The following FIRRM variants were observed in gnomAD, a reference collection of about 807,000 sequenced individuals.
FIRRM encodes the protein FIGNL1-interacting regulator of recombination and mitosis.
the FIRRM span, chr1:169,793,106 C>A: frequency 6.2e-7 from 1 of 1,614,136 alleles, no homozygotes; most frequent in South Asian, 1.1e-5. Context: ...TAAACCTGAT[C>A]CACAACCAAG....
chr1:169,840,476 T>TCTA, the FIRRM span, among the ~76,000 whole-genome samples: 1 of 152,130 alleles, frequency 6.6e-6, no homozygotes, highest in Non-Finnish European at 1.5e-5. Context: ...TGTGCGTGTA[T>TCTA]CTACTGTAAA....
the FIRRM span, among the ~76,000 whole-genome samples, chr1:169,833,976 C>T: frequency 6.7e-6 from 1 of 149,804 alleles, no homozygotes; most frequent in African/African-American, 2.5e-5. Flanking sequence ...GAGGTGTGAG[C>T]TATTGAGCTC....
At chr1:169,834,427 T>C in the FIRRM span, among the ~76,000 whole-genome samples, 1 of 152,192 alleles carries the variant, frequency 6.6e-6, no homozygotes, top group Non-Finnish European at 1.5e-5. Flanking sequence ...ACATATGGCA[T>C]GAAAAGACCA....
At chr1:169,837,070 A>G in the FIRRM span, 16 of 1,605,836 alleles carry the variant, frequency 1.0e-5, no homozygotes, top group Non-Finnish European at 1.4e-5. Flanking sequence ...AATGCAGGAA[A>G]TGGCTGAGCA....
chr1:169,795,430 C>G, the FIRRM span: 2 of 1,374,300 alleles, frequency 1.5e-6, no homozygotes, highest in African/African-American at 2.9e-5. Context: ...TGGAAAGCCT[C>G]GCGGACGTGT....
At chr1:169,820,838 C>T in the FIRRM span, among the ~76,000 whole-genome samples, 1 of 151,928 alleles carries the variant, frequency 6.6e-6, no homozygotes, top group Admixed American at 6.6e-5. Flanking sequence ...GATCCAGACC[C>T]CAAAAGAGGT....
the FIRRM span, chr1:169,850,593 C>T: frequency 6.5e-6 from 2 of 309,488 alleles, no homozygotes; most frequent in African/African-American, 2.1e-5. Context: ...GTCAGGAGTT[C>T]AAGACCAGCC....
the FIRRM span, chr1:169,843,794 C>T: frequency 7.0e-7 from 1 of 1,438,208 alleles, no homozygotes; most frequent in South Asian, 1.2e-5. Flanking sequence ...CAGATTGATA[C>T]TTTGTTTGCT....
chr1:169,804,937 C>A, the FIRRM span, among the ~76,000 whole-genome samples: 1 of 152,186 alleles, frequency 6.6e-6, no homozygotes, highest in Non-Finnish European at 1.5e-5. Context: ...CCTGCCTCAG[C>A]CTCCCAAAGT....
chr1:169,791,230 C>T, the FIRRM span, among the ~76,000 whole-genome samples: 2 of 152,206 alleles, frequency 1.3e-5, no homozygotes, highest in Non-Finnish European at 2.9e-5. Context: ...TGCTGCATGT[C>T]TTCTGTGTAG....
chr1:169,813,318 A>G, the FIRRM span, among the ~76,000 whole-genome samples: 3 of 152,230 alleles, frequency 2.0e-5, no homozygotes, highest in Non-Finnish European at 4.4e-5. Flanking sequence ...CAGATCATAT[A>G]GTAGTTGTAG....
chr1:169,827,056 T>C, the FIRRM span: 5,804 of 1,609,796 alleles, frequency 3.6e-3, 189 homozygotes, highest in African/African-American at 0.067. Context: ...CCCAGCAAGT[T>C]TCCTCCAAGC....
the FIRRM span, chr1:169,807,682 CT>C: frequency 2.0e-6 from 2 of 995,574 alleles, no homozygotes; most frequent in Non-Finnish European, 2.8e-6. Context: ...ATATATGATG[CT>C]TTTTGATTGT....
At chr1:169,800,029 TTTTG>T in the FIRRM span, among the ~76,000 whole-genome samples, 1 of 152,020 alleles carries the variant, frequency 6.6e-6, no homozygotes, top group Non-Finnish European at 1.5e-5. Flanking sequence ...TGGCCTGTGT[TTTTG>T]TTTGTTTGTT....
the FIRRM span, chr1:169,830,751 C>T: frequency 1.5e-5 from 25 of 1,613,278 alleles, 1 homozygote; most frequent in Non-Finnish European, 2.0e-5. Context: ...TCATCTGGTG[C>T]GTAGAATTAC....
At chr1:169,802,759 G>C in the FIRRM span, 1 of 1,376,816 alleles carries the variant, frequency 7.3e-7, no homozygotes, top group Non-Finnish European at 1.0e-6. Context: ...AGGAGAGAGA[G>C]GGAGCTTAAA....
the FIRRM span, chr1:169,830,160 TTC>T: frequency 2.0e-6 from 2 of 1,005,440 alleles, no homozygotes; most frequent in African/African-American, 3.3e-5. Flanking sequence ...GTTATTTGGA[TTC>T]TGATAGTGCT....
At chr1:169,795,020 A>C in the FIRRM span, 1 of 1,072,844 alleles carries the variant, frequency 9.3e-7, no homozygotes, top group Non-Finnish European at 1.4e-6. Context: ...GCCGGCGGAG[A>C]GCGCGCAAGG....
the FIRRM span, among the ~76,000 whole-genome samples, chr1:169,840,765 C>T: frequency 2.0e-5 from 3 of 152,164 alleles, no homozygotes; most frequent in Non-Finnish European, 2.9e-5. Context: ...CCACCTCGGC[C>T]TCCCAAAGTG....
Sources: gnomAD v4.1 joint callset for allele counts (sites outside exome capture counted in the v4.1 genomes callset) on GRCh38, gnomAD v4.1.1 for gene constraint, MANE v1.5 for transcripts, NCBI Gene and HGNC (gene_info 2026-07-23, HGNC 2026-07-21) for gene names.